The following PTPRD variants were observed in gnomAD, a reference collection of about 807,000 sequenced individuals.
PTPRD encodes the protein protein tyrosine phosphatase receptor type D.
Under a neutral mutation model 214.5 loss-of-function variants are expected in PTPRD, and 34 were observed. The observed-to-expected ratio is 0.16, with a 90% confidence interval of 0.12 to 0.21. The LOEUF (loss-of-function observed/expected upper bound fraction) is 0.21. PTPRD is among the 10% of genes least tolerant of loss of function. The probability of loss-of-function intolerance (pLI) is 1.00; values close to 1 mark genes in which losing one functional copy is unlikely to be tolerated. For synonymous variants in PTPRD, 1,128 were observed against 845.7 expected (o/e 1.33, Z -5.79); for missense variants, 2,545 against 2,398.7 (o/e 1.06, Z -1.27).
intron 3 of PTPRD, among the ~76,000 whole-genome samples, chr9:10,043,925 T>C (rs550106458): frequency 6.6e-6 from 1 of 151,862 alleles, no homozygotes; most frequent in Admixed American, 6.6e-5. Context: ...GTGATTTATA[T>C]TAACTCTTCT....
chr9:8,880,605 C>A (rs1279975086), intron 11 of PTPRD, among the ~76,000 whole-genome samples: 1 of 152,048 alleles, frequency 6.6e-6, no homozygotes, highest in Non-Finnish European at 1.5e-5. Context: ...GCAAATAGAC[C>A]AGGTATACTG....
intron 8 of PTPRD, among the ~76,000 whole-genome samples, chr9:9,567,384 G>C (rs1019933341): frequency 3.9e-5 from 6 of 151,908 alleles, no homozygotes; most frequent in African/African-American, 1.5e-4. Flanking sequence ...AAAACTGAGG[G>C]AGAAACCCCA....
At chr9:9,415,794 T>C (rs540456565) in intron 8 of PTPRD, among the ~76,000 whole-genome samples, 4 of 152,296 alleles carry the variant, frequency 2.6e-5, no homozygotes, top group African/African-American at 9.6e-5. Context: ...AAGTGAAAGA[T>C]ACAAGTGTTT....
At chr9:9,309,052 T>C (rs981842650) in intron 9 of PTPRD, among the ~76,000 whole-genome samples, 3 of 152,108 alleles carry the variant, frequency 2.0e-5, no homozygotes, top group Admixed American at 6.6e-5. Context: ...CATTTATTTT[T>C]CTTCTCAGCC....
chr9:9,650,099 G>A (rs143617309), intron 7 of PTPRD, among the ~76,000 whole-genome samples: 1,622 of 152,124 alleles, frequency 0.011, 14 homozygotes, highest in Non-Finnish European at 0.018. Context: ...TGGATCATGG[G>A]GCAGTTTCCC....
At chr9:9,891,856 A>G (rs1435285089) in intron 5 of PTPRD, among the ~76,000 whole-genome samples, 1 of 152,170 alleles carries the variant, frequency 6.6e-6, no homozygotes, top group African/African-American at 2.4e-5. Flanking sequence ...AAAGTATTTT[A>G]TACATAATTT....
chr9:8,317,927 A>T lies in PTPRD; in HGVS notation c.5686T>A (p.Ser1896Thr), dbSNP rs200024938. 21 of 1,612,068 alleles carry T rather than the reference A, an allele frequency of 1.3e-5. No individual in the cohort carries two copies. In the East Asian group the frequency reaches 4.7e-4, roughly 36 times the overall value. The change falls in exon 46 of 46, where the codon TCC becomes ACC. Residue 1896 changes from serine (S) to threonine (T), a missense_variant. By Grantham distance (58) the Ser-to-Thr change is moderately conservative. Transcript: ENST00000381196. ...MVQTEDQYQF[S>T]YRAALEYLGS... ...AGGTACTCTAGTGCGGCACGATAGG[A>T]AAACTGATATTGATCCTGCAGGAGA...
At chr9:8,391,384 A>G (rs1438915082) in intron 36 of PTPRD, among the ~76,000 whole-genome samples, 2 of 152,174 alleles carry the variant, frequency 1.3e-5, no homozygotes, top group Admixed American at 6.6e-5. Context: ...TGGCTGTAAC[A>G]TTATTCATCT....
intron 2 of PTPRD, among the ~76,000 whole-genome samples, chr9:10,342,983 T>A (rs533021022): frequency 2.2e-4 from 34 of 152,270 alleles, no homozygotes; most frequent in African/African-American, 7.9e-4. Flanking sequence ...GTTACACACT[T>A]TTTATTTTTT....
intron 2 of PTPRD, among the ~76,000 whole-genome samples, chr9:10,451,226 ACT>A (rs1408132328): frequency 1.3e-5 from 2 of 151,948 alleles, no homozygotes; most frequent in Non-Finnish European, 2.9e-5. Context: ...TGAACAAAAC[ACT>A]GTTTCAGGTG....
At chr9:10,496,398 T>G (rs140239838) in intron 2 of PTPRD, among the ~76,000 whole-genome samples, 25 of 151,152 alleles carry the variant, frequency 1.7e-4, no homozygotes, top group Non-Finnish European at 3.2e-4. Flanking sequence ...GTATTAAATT[T>G]ATTAAATCAT....
intron 14 of PTPRD, among the ~76,000 whole-genome samples, chr9:8,620,521 G>A (rs1352022763): frequency 6.6e-6 from 1 of 151,984 alleles, no homozygotes; most frequent in African/African-American, 2.4e-5. Context: ...TGATGGTGGT[G>A]GTGGTACTGT....
intron 3 of PTPRD, among the ~76,000 whole-genome samples, chr9:10,228,763 TA>T (rs1029545806): frequency 2.7e-5 from 4 of 149,398 alleles, no homozygotes; most frequent in African/African-American, 9.8e-5. Flanking sequence ...CATCATTTCA[TA>T]TATGTATAAA....
At chr9:9,451,124 T>C (rs1303141208) in intron 8 of PTPRD, among the ~76,000 whole-genome samples, 1 of 151,770 alleles carries the variant, frequency 6.6e-6, no homozygotes, top group African/African-American at 2.4e-5. Context: ...CATTACCCTC[T>C]CTAAATGAAA....
intron 4 of PTPRD, among the ~76,000 whole-genome samples, chr9:9,968,708 C>T (rs1355276691): frequency 1.3e-5 from 2 of 151,916 alleles, no homozygotes; most frequent in East Asian, 3.9e-4. Context: ...TCCACTCCTA[C>T]AAAAAAGCTA....
chr9:9,286,415 T>A (rs1595171280), intron 9 of PTPRD, among the ~76,000 whole-genome samples: 5 of 151,968 alleles, frequency 3.3e-5, no homozygotes, highest in Admixed American at 3.3e-4. Context: ...ACTACTAGCA[T>A]TTCCATTTCA....
intron 10 of PTPRD, among the ~76,000 whole-genome samples, chr9:9,060,487 T>C (rs531958461): frequency 6.6e-6 from 1 of 152,074 alleles, no homozygotes; most frequent in South Asian, 2.1e-4. Flanking sequence ...CATAAAAAAT[T>C]AGATTAATTT....
At chr9:9,538,258 T>TA (rs894779229) in intron 8 of PTPRD, among the ~76,000 whole-genome samples, 10 of 151,958 alleles carry the variant, frequency 6.6e-5, no homozygotes, top group Non-Finnish European at 1.0e-4. Context: ...CTACTGTTGA[T>TA]AAAAAATAAT....
chr9:9,881,586 C>A (rs2068706219), intron 5 of PTPRD, among the ~76,000 whole-genome samples: 1 of 152,108 alleles, frequency 6.6e-6, no homozygotes, highest in African/African-American at 2.4e-5. Flanking sequence ...ATACATGGAA[C>A]TTTCAGTTAG....
Sources: gnomAD v4.1 joint callset for allele counts (sites outside exome capture counted in the v4.1 genomes callset) on GRCh38, gnomAD v4.1.1 for gene constraint, MANE v1.5 for transcripts, NCBI Gene and HGNC (gene_info 2026-07-23, HGNC 2026-07-21) for gene names.